Variants in KLHL33 observed in about 807,000 individuals in gnomAD.
KLHL33 encodes kelch like family member 33, also known as kelch-like protein 33.
In KLHL33, 46 loss-of-function variants were observed where a neutral mutation model predicts 60.8. The observed-to-expected ratio is 0.76, with a 90% CI of 0.60 to 0.97. KLHL33 has a LOEUF of 0.97. Ranked by LOEUF, KLHL33 falls within the 50% of genes least tolerant of loss-of-function variation. KLHL33 has a pLI of 0.00. For missense variants in KLHL33, 1,055 were observed against 1,000.0 expected, an observed-to-expected ratio of 1.05 and a Z score of -0.74; for synonymous variants, 434 against 432.2, an observed-to-expected ratio of 1.00 and a Z score of -0.05.
At position 20,430,470 on chromosome 14, in the gene KLHL33, C is replaced by T; in HGVS notation, c.998G>A (p.Gly333Asp). 1 of 1,551,278 alleles carries T rather than the reference C, an allele frequency of 6.4e-7. No individual in the cohort carries two copies. Among genetic ancestry groups the T allele is most frequent in the Non-Finnish European group, 8.7e-7 (1 of 1,147,012 alleles). Residue 333 changes from glycine (G) to aspartate (D), a missense_variant, in exon 3 of 5, where the codon GGC becomes GAC. By Grantham distance (94) the Gly-to-Asp change is moderately conservative. Transcript: ENST00000636854. ...LDLCQKGLARGLSPARCLALF... is the reference protein window; with the variant it reads ...LDLCQKGLARDLSPARCLALF... ...GGCCAGGCAACGGGCAGGGCTGAGG[C>T]CCCGTGCCAAGCCTTTCTGACACAA...
In KLHL33 at chr14:20,429,219, T is replaced by C; in HGVS notation, c.2024A>G (p.His675Arg). The change falls in exon 5 of 5, where the codon CAT (histidine) becomes CGT (arginine). Residue 675 changes from histidine to arginine, a missense_variant. Coordinates refer to ENST00000636854, the MANE Select transcript of KLHL33 (RefSeq NM_001365790.2). The stretch of plus-strand genomic sequence containing the variant: ...CCTCCCACCCAATGCAGCCATGACA[T>C]GGCCAGCCCGAGGTACCCCCATAGG... ...LSPMGVPRAGHVMAALGGRLY... is the reference protein window; with the variant it reads ...LSPMGVPRAGRVMAALGGRLY... 6.4e-7 allele frequency: 1 copy of C among 1,551,606 alleles called. No individual in the cohort carries two copies. The highest frequency in any genetic ancestry group is 1.7e-4 in the Middle Eastern group (1 of 5,992).
Position 20,431,786 on chromosome 14 carries a change from T to C in KLHL33, c.749-1067A>G, listed in dbSNP as rs1421250807. ...TGGGTCCCAAAGAAAGCATGTGATT[T>C]ATTTTTCATTTCCATGCAGTGGCTG... On this transcript the variant is annotated intron_variant, in intron 2 of 4. Transcript: ENST00000636854. 2.0e-5 allele frequency among the ~76,000 whole-genome samples: 3 copies of C among 152,350 alleles called. No homozygotes were observed. The East Asian group carries it at 5.8e-4, about 29-fold the overall frequency.
Position 20,430,245 on chromosome 14 carries a change from A to G in KLHL33, c.1223T>C (p.Leu408Pro), listed in dbSNP as rs970989153. 50 of 1,551,484 alleles carry G rather than the reference A, an allele frequency of 3.2e-5. No homozygotes were observed. The highest frequency in any genetic ancestry group is 9.8e-5 in the Admixed American group (5 of 50,998). ...CTCCTGGGTCTCGGGGTTGGCAGCCAGCCAACACCGTGCAGCCACAAAGGC... is the reference window on the plus strand; with the variant it reads ...CTCCTGGGTCTCGGGGTTGGCAGCCGGCCAACACCGTGCAGCCACAAAGGC... ...FEAFVAARCW[L>P]AANPETQESE... The change falls in exon 3 of 5, where the codon CTG becomes CCG. Residue 408 changes from leucine (L) to proline (P), a missense_variant. Physicochemically the swap from Leu to Pro is moderately conservative, Grantham distance 98. Coordinates refer to ENST00000636854, the MANE Select transcript of KLHL33 (RefSeq NM_001365790.2).
rs1361840276 is a variant in KLHL33 at position 20,426,197 on chromosome 14, G to A, written c.*2652C>T. The A allele has an allele frequency of 6.6e-6, 1 of 152,006 alleles. No homozygotes were observed. The highest frequency in any genetic ancestry group is 1.5e-5 in the Non-Finnish European group (1 of 68,000). 9.4% of individuals were successfully genotyped at this position (152,006 alleles called of 1,614,324 possible). On this transcript the variant is annotated 3_prime_UTR_variant, in exon 5 of 5. Coordinates refer to ENST00000636854, the MANE Select transcript of KLHL33 (RefSeq NM_001365790.2). ...AACATGAAAATCTTAATAAACAATG[G>A]TAATAGAAAACTGACCTACACAGGC...
chr14:20,435,219 T>C lies in KLHL33; in HGVS notation c.593A>G (p.Gln198Arg). 1 of 1,234,414 alleles carries C rather than the reference T, an allele frequency of 8.1e-7. No individual in the cohort carries two copies. Among genetic ancestry groups the C allele is most frequent in the Non-Finnish European group, 1.0e-6 (1 of 988,188 alleles). 76.5% of individuals were successfully genotyped at this position (1,234,414 alleles called of 1,614,324 possible). A position where few individuals can be genotyped will look rare whatever the true frequency, so the allele number is the denominator to read the frequency against. ...ATTTCCAGCCCTCTCGCATGTCTGC[T>C]GGGCAGCAGCCTTCACCCGGGGCGC... ...LGAPRVKAAA[Q>R]QTCERAGNAR... The change falls in exon 2 of 5, where the codon CAG becomes CGG. Residue 198 changes from glutamine (Q) to arginine (R), a missense_variant. Transcript: ENST00000636854.
At chr14:20,433,544 C>T (rs937769439) in intron 2 of KLHL33, among the ~76,000 whole-genome samples, 3 of 152,214 alleles carry the variant, frequency 2.0e-5, no homozygotes, top group Non-Finnish European at 4.4e-5. Flanking sequence ...GCCATCTCAG[C>T]TCCCATATCA....
Position 20,426,954 on chromosome 14 carries a change from G to A in KLHL33, c.*1895C>T, listed in dbSNP as rs985503986. ...AGGACAAAAAAACCAAACACCGCAT[G>A]TTCTCACTCATAGGTGGGAATTGAA... On this transcript the variant is annotated 3_prime_UTR_variant, in exon 5 of 5. Coordinates refer to ENST00000636854, the MANE Select transcript of KLHL33 (RefSeq NM_001365790.2). 179 of 145,978 alleles carry A rather than the reference G, an allele frequency of 1.2e-3. No individual in the cohort carries two copies. The highest frequency in any genetic ancestry group is 4.3e-3 in the African/African-American group (169 of 39,458). The allele number at this position is 145,978 out of a possible 1,614,324, so 9.0% of individuals were successfully genotyped here.
Position 20,429,010 on chromosome 14 carries a change from A to G in KLHL33, c.2233T>C (p.Ser745Pro). ...GGYSHRTYAL[S>P]HLIHAYCPGL... ...GGACAGTAGGCATGGATAAGGTGAGAGAGGGCATAAGTACGGTGACTGTAG... is the reference window on the plus strand; with the variant it reads ...GGACAGTAGGCATGGATAAGGTGAGGGAGGGCATAAGTACGGTGACTGTAG... Residue 745 changes from serine to proline, a missense_variant, in exon 5 of 5, where the codon TCT becomes CCT. By Grantham distance (74) the Ser-to-Pro change is moderately conservative. Transcript: ENST00000636854. The G allele has an allele frequency of 6.4e-7, 1 of 1,551,716 alleles. No homozygotes were observed. The highest frequency in any genetic ancestry group is 1.2e-5 in the South Asian group (1 of 84,058).
At chr14:20,433,294 G>T (rs1392643612) in intron 2 of KLHL33, among the ~76,000 whole-genome samples, 1 of 152,202 alleles carries the variant, frequency 6.6e-6, no homozygotes. Flanking sequence ...AAGGTGGGGG[G>T]TAATGCTCCT....
At position 20,432,493 on chromosome 14, in the gene KLHL33, AC is replaced by A. The variant is rs1381779331; in HGVS notation, c.749-1775del. On this transcript the variant is annotated intron_variant, in intron 2 of 4. Transcript: ENST00000636854. The stretch of plus-strand genomic sequence containing the variant: ...AAAAAAAAAAAGGAGGAAGGACTGT[AC>A]TAGATTAAAGGAAGCTTAAGAGACA... Among the ~76,000 whole-genome samples, 6 of 152,240 alleles carry A rather than the reference AC, an allele frequency of 3.9e-5. No individual in the cohort carries two copies. The East Asian group carries it at 1.2e-3, about 29-fold the overall frequency.
In KLHL33 at chr14:20,429,381, G is replaced by A; in HGVS notation, c.1862C>T (p.Ala621Val). The change falls in exon 5 of 5, where the codon GCA (alanine) becomes GTA (valine). Residue 621 changes from alanine to valine, a missense_variant. By Grantham distance (64) the Ala-to-Val change is moderately conservative. Transcript: ENST00000636854. Reference sequence around the variant, plus strand: ...CGCAGCTGCGTGGGCAAAACATGGTGCTGGAAGTGCAGGTGCTGGCCTAAG... The same window carrying A: ...CGCAGCTGCGTGGGCAAAACATGGTACTGGAAGTGCAGGTGCTGGCCTAAG... ...NVWRPAPALP[A>V]PCFAHAAAIL... 6.4e-7 allele frequency: 1 copy of A among 1,551,790 alleles called. No homozygotes were observed. Among genetic ancestry groups the A allele is most frequent in the Non-Finnish European group, 8.7e-7 (1 of 1,146,974 alleles).
Position 20,430,745 on chromosome 14 carries a change from G to C in KLHL33, c.749-26C>G, listed in dbSNP as rs141258433. 9,218 of 1,458,066 alleles carry C rather than the reference G, an allele frequency of 6.3e-3. 36 individuals are homozygous for C. Among genetic ancestry groups the C allele is most frequent in the Non-Finnish European group, 7.5e-3 (8,271 of 1,102,726 alleles). 90.3% of individuals were successfully genotyped at this position (1,458,066 alleles called of 1,614,324 possible). ...CTGCAGGAGGGGAGAAGGAATAGAG[G>C]AGGACTCAAAGTATTGCAAGACCGA... On this transcript the variant is annotated intron_variant, in intron 2 of 4. Coordinates refer to ENST00000636854, the MANE Select transcript of KLHL33 (RefSeq NM_001365790.2).
intron 2 of KLHL33, among the ~76,000 whole-genome samples, chr14:20,432,787 T>C (rs772348282): frequency 1.9e-4 from 29 of 151,842 alleles, no homozygotes; most frequent in Non-Finnish European, 3.8e-4. Flanking sequence ...CTGGGTGTGG[T>C]GGTGCACGCC....
chr14:20,433,113 T>C (rs1332548797), intron 2 of KLHL33, among the ~76,000 whole-genome samples: 2 of 152,224 alleles, frequency 1.3e-5, no homozygotes, highest in African/African-American at 4.8e-5. Flanking sequence ...AAAAGATACA[T>C]ACCCAAATAC....
chr14:20,426,052 T>G lies in KLHL33; in HGVS notation c.*2797A>C, dbSNP rs1713452. On this transcript the variant is annotated 3_prime_UTR_variant, in exon 5 of 5. Coordinates refer to ENST00000636854, the MANE Select transcript of KLHL33 (RefSeq NM_001365790.2). ...ATTCCTAGTCTATCTTAAATAGAGA[T>G]ACAGAAAAAGATCTTACTAAAATAA... The G allele has an allele frequency of 6.6e-6, 1 of 151,942 alleles. No individual in the cohort carries two copies. Among genetic ancestry groups the G allele is most frequent in the Non-Finnish European group, 1.5e-5 (1 of 67,982 alleles). The allele number at this position is 151,942 out of a possible 1,614,324, so 9.4% of individuals were successfully genotyped here. A position where few individuals can be genotyped will look rare whatever the true frequency, so the allele number is the denominator to read the frequency against.
chr14:20,430,355 C>G lies in KLHL33; in HGVS notation c.1113G>C (p.Leu371Phe), dbSNP rs1352741562. 1 of 1,551,930 alleles carries G rather than the reference C, an allele frequency of 6.4e-7. No individual in the cohort carries two copies. The highest frequency in any genetic ancestry group is 2.4e-5 in the East Asian group (1 of 40,924). The stretch of plus-strand genomic sequence containing the variant: ...CTGGTAAAGAAGGGAAAGCAGGACA[C>G]AAGGCTACAGCAGGCAGGTGGGTGA... ...YLLTHLPAVA[L>F]CPAFPSLPAA... The change falls in exon 3 of 5, where the codon TTG (leucine) becomes TTC (phenylalanine). Residue 371 changes from leucine (L) to phenylalanine (F), a missense_variant. By Grantham distance (22) the Leu-to-Phe change is conservative (BLOSUM62 0). Transcript: ENST00000636854.
At position 20,429,242 on chromosome 14, in the gene KLHL33, A is replaced by G. The variant is rs1390388496; in HGVS notation, c.2001T>C (p.Pro667=). Residue 667 remains proline, a synonymous_variant, in exon 5 of 5, where the codon CCT becomes CCC. Transcript: ENST00000636854. ...CATGGCCAGCCCGAGGTACCCCCAT[A>G]GGGCTCAGAAACGTCCCTGGCTTCT... ...KLEKPGTFLS[P]MGVPRAGHVM... 1 of 1,551,750 alleles carries G rather than the reference A, an allele frequency of 6.4e-7. No homozygotes were observed. Among genetic ancestry groups the G allele is most frequent in the South Asian group, 1.2e-5 (1 of 84,064 alleles).
chr14:20,436,078 T>C, intron 1 of KLHL33, 21 bp downstream of exon 1: 1 of 307,974 alleles, frequency 3.2e-6, no homozygotes. Context: ...CCTCCCCTAT[T>C]GCCCCCATCC....
At position 20,428,971 on chromosome 14, in the gene KLHL33, A is replaced by G; in HGVS notation, c.2272T>C (p.Trp758Arg). 6.4e-7 allele frequency: 1 copy of G among 1,551,668 alleles called. No homozygotes were observed. The highest frequency in any genetic ancestry group is 8.7e-7 in the Non-Finnish European group (1 of 1,146,978). ...CTTGGCAGAGTTCCCAGGCAGAGCCATCGGCCCAGGCCAGGACAGTAGGCA... is the reference window on the plus strand; with the variant it reads ...CTTGGCAGAGTTCCCAGGCAGAGCCGTCGGCCCAGGCCAGGACAGTAGGCA... ...IHAYCPGLGRWLCLGTLPRPR... is the reference protein window; with the variant it reads ...IHAYCPGLGRRLCLGTLPRPR... Residue 758 changes from tryptophan (W) to arginine (R), a missense_variant, in exon 5 of 5, where the codon TGG (tryptophan) becomes CGG (arginine). Coordinates refer to ENST00000636854, the MANE Select transcript of KLHL33 (RefSeq NM_001365790.2).
Sources: allele counts gnomAD v4.1 joint callset (sites outside exome capture counted in the v4.1 genomes callset), GRCh38; gene constraint gnomAD v4.1.1; transcripts MANE v1.5; gene names NCBI Gene and HGNC (gene_info 2026-07-23, HGNC 2026-07-21).